LTBP2: variants seen among roughly 807,000 people sequenced by gnomAD.
LTBP2 encodes the protein latent transforming growth factor beta binding protein 2, also known as latent-transforming growth factor beta-binding protein 2.
A neutral mutation model predicts 210.6 loss-of-function variants in LTBP2; 103 were observed. The observed-to-expected ratio is 0.49, with a 90% CI of 0.42 to 0.58. LTBP2 has a LOEUF of 0.58. Ranked by LOEUF, LTBP2 falls within the 20% of genes least tolerant of loss-of-function variation. The probability of loss-of-function intolerance (pLI) is 0.00; values close to 1 mark genes in which losing one functional copy is unlikely to be tolerated. For missense variants in LTBP2, 2,313 were observed against 2,494.5 expected, an observed-to-expected ratio of 0.93 and a Z score of 1.55; for synonymous variants, 1,007 against 1,015.0, an observed-to-expected ratio of 0.99 and a Z score of 0.15.
chr14:74,605,717 GC>G (rs2088516372), intron 1 of LTBP2, among the ~76,000 whole-genome samples: 1 of 152,200 alleles, frequency 6.6e-6, no homozygotes, highest in South Asian at 2.1e-4. Flanking sequence ...GCCCAAGGAG[GC>G]CCCCTGAGCC....
intron 6 of LTBP2, 22 bp from the exon 7 acceptor site, chr14:74,551,372 A>G (rs1431102253): frequency 6.5e-7 from 1 of 1,537,274 alleles, no homozygotes; most frequent in East Asian, 2.3e-5. Flanking sequence ...GGCTAGAGTC[A>G]GAGCCAGGGA....
chr14:74,520,909 C>G (rs1261512544), intron 17 of LTBP2, among the ~76,000 whole-genome samples: 1 of 152,228 alleles, frequency 6.6e-6, no homozygotes, highest in African/African-American at 2.4e-5. Context: ...CATCTGGATC[C>G]TACAGTGTCA....
At chr14:74,564,367 T>A (rs374301584) in intron 3 of LTBP2, among the ~76,000 whole-genome samples, 2 of 33,136 alleles carry the variant, frequency 6.0e-5, no homozygotes, top group Non-Finnish European at 1.3e-4. Context: ...ATATATATAT[T>A]TATATATATA....
At chr14:74,607,278 A>G (rs2088539674) in intron 1 of LTBP2, among the ~76,000 whole-genome samples, 1 of 152,234 alleles carries the variant, frequency 6.6e-6, no homozygotes, top group Admixed American at 6.5e-5. Flanking sequence ...AACTTGCCAC[A>G]GAGTTGAGCT....
chr14:74,501,556 C>A lies in LTBP2; in HGVS notation c.5205G>T (p.Glu1735Asp). Reference sequence around the variant, plus strand: ...CACAGCCGTTCAGGATGCCGCACTCCTCCGCCTGAAGCCCTTCGAAGCCGG... The same window carrying A: ...CACAGCCGTTCAGGATGCCGCACTCATCCGCCTGAAGCCCTTCGAAGCCGG... ...PPAGFEGLQAEECGILNGCEN... is the reference protein window; with the variant it reads ...PPAGFEGLQADECGILNGCEN... The change falls in exon 35 of 36, where the codon GAG becomes GAT. Residue 1735 changes from glutamate to aspartate, a missense_variant. Transcript: ENST00000261978. 1 of 1,614,174 alleles carries A rather than the reference C, an allele frequency of 6.2e-7. No homozygotes were observed. Among genetic ancestry groups the A allele is most frequent in the Non-Finnish European group, 8.5e-7 (1 of 1,180,032 alleles).
At position 74,498,571 on chromosome 14, in the gene LTBP2, A is replaced by G. The variant is rs1247088489; in HGVS notation, c.*2313T>C. On this transcript the variant is annotated 3_prime_UTR_variant, in exon 36 of 36. Transcript: ENST00000261978. Reference sequence around the variant, plus strand: ...TGCAGAACAGCATGCATAGTATGCTATTTGTATTTTAAACAAAGGAAATAT... The same window carrying G: ...TGCAGAACAGCATGCATAGTATGCTGTTTGTATTTTAAACAAAGGAAATAT... 16 of 228,758 alleles carry G rather than the reference A, an allele frequency of 7.0e-5. No individual in the cohort carries two copies. The East Asian group carries it at 8.1e-4, about 12-fold the overall frequency. The allele number at this position is 228,758 out of a possible 1,614,324, so 14.2% of individuals were successfully genotyped here.
chr14:74,576,608 C>T (rs1056681121), intron 3 of LTBP2, among the ~76,000 whole-genome samples: 5 of 151,826 alleles, frequency 3.3e-5, no homozygotes, highest in Admixed American at 6.5e-5. Flanking sequence ...GGGGTCACCA[C>T]ATACAGCTGC....
At chr14:74,604,810 T>C (rs2088501499) in intron 1 of LTBP2, among the ~76,000 whole-genome samples, 1 of 151,910 alleles carries the variant, frequency 6.6e-6, no homozygotes, top group African/African-American at 2.4e-5. Context: ...CTCCTTGATG[T>C]TGGCTCTGAG....
At chr14:74,549,392 A>G (rs570566471) in intron 8 of LTBP2, among the ~76,000 whole-genome samples, 1 of 152,368 alleles carries the variant, frequency 6.6e-6, no homozygotes, top group South Asian at 2.1e-4. Flanking sequence ...TAGGGCTCCC[A>G]TACCCCAAGG....
chr14:74,503,941 G>A lies in LTBP2; in HGVS notation c.4567C>T (p.His1523Tyr). ...GTGTCCTTACCCTCACACTTCTTGT[G>A]GGAAGCATCGTAGTGGAAGCCGGGA... Reference protein sequence around the residue: ...CNPGFHYDASHKKCEDHDECQ... With the variant: ...CNPGFHYDASYKKCEDHDECQ... Residue 1523 changes from histidine (H) to tyrosine (Y), a missense_variant, in exon 31 of 36, where the codon CAC becomes TAC. Transcript: ENST00000261978. 1 of 1,614,128 alleles carries A rather than the reference G, an allele frequency of 6.2e-7. No individual in the cohort carries two copies. The highest frequency in any genetic ancestry group is 8.5e-7 in the Non-Finnish European group (1 of 1,180,026).
Position 74,603,687 on chromosome 14 carries a change from T to TC in LTBP2, c.512dup (p.Gln172ThrfsTer54). On this transcript the variant is annotated frameshift_variant, in exon 2 of 36. Coordinates refer to ENST00000261978, the MANE Select transcript of LTBP2 (RefSeq NM_000428.3). LOFTEE classifies it high-confidence loss of function. ...CTGTTGTCCATCCTGGGCAGCACTG[T>TC]CCCCCGCAGACGTTCCTCCTGTGGG... The TC allele has an allele frequency of 6.2e-7, 1 of 1,614,106 alleles. No individual in the cohort carries two copies. The highest frequency in any genetic ancestry group is 8.5e-7 in the Non-Finnish European group (1 of 1,180,022).
Position 74,611,590 on chromosome 14 carries a change from C to A in LTBP2, c.355G>T (p.Ala119Ser). Residue 119 changes from alanine (A) to serine (S), a missense_variant, in exon 1 of 36, where the codon GCG becomes TCG. Ala to Ser is a moderately conservative substitution (Grantham distance 99). Coordinates refer to ENST00000261978, the MANE Select transcript of LTBP2 (RefSeq NM_000428.3). ...AQQSRRVQPP[A>S]QTRRSTPLGQ... ...AGGGGAGTGCTTCTCCGGGTCTGCG[C>A]AGGTGGCTGGACACGCCGCGACTGC... The A allele has an allele frequency of 1.3e-6, 2 of 1,575,314 alleles. No homozygotes were observed. Among genetic ancestry groups the A allele is most frequent in the South Asian group, 1.1e-5 (1 of 87,722 alleles).
At chr14:74,524,486 C>T (rs867309619) in intron 15 of LTBP2, among the ~76,000 whole-genome samples, 4 of 152,076 alleles carry the variant, frequency 2.6e-5, no homozygotes, top group South Asian at 2.1e-4. Context: ...CGGGCACACA[C>T]GTGTACAGGG....
chr14:74,575,021 T>C (rs2088038406), intron 3 of LTBP2, among the ~76,000 whole-genome samples: 1 of 152,120 alleles, frequency 6.6e-6, no homozygotes, highest in Non-Finnish European at 1.5e-5. Context: ...GTGCCCAGCA[T>C]GAGAAAAGGA....
At chr14:74,599,858 G>A (rs1348279413) in intron 2 of LTBP2, among the ~76,000 whole-genome samples, 1 of 152,246 alleles carries the variant, frequency 6.6e-6, no homozygotes, top group Non-Finnish European at 1.5e-5. Flanking sequence ...CAGATATCTG[G>A]GAGAGACTGA....
chr14:74,607,016 C>G (rs2088536874), intron 1 of LTBP2, among the ~76,000 whole-genome samples: 1 of 152,180 alleles, frequency 6.6e-6, no homozygotes, highest in South Asian at 2.1e-4. Flanking sequence ...TGTGCCTCTA[C>G]AGTCTAACAC....
At chr14:74,543,394 A>AC (rs1317570048) in intron 8 of LTBP2, among the ~76,000 whole-genome samples, 1 of 151,648 alleles carries the variant, frequency 6.6e-6, no homozygotes, top group African/African-American at 2.4e-5. Context: ...AAAAAAAAAA[A>AC]AAACAGTGAG....
rs772377235 is a variant in LTBP2, at chr14:74,506,858, T to G, written c.3908-35A>C. The G allele has an allele frequency of 4.3e-6, 6 of 1,401,606 alleles. No homozygotes were observed. The African/African-American group carries it at 1.2e-4, about 28-fold the overall frequency. The allele number at this position is 1,401,606 out of a possible 1,614,324, so 86.8% of individuals were successfully genotyped here. On this transcript the variant is annotated intron_variant, in intron 26 of 35. Transcript: ENST00000261978. Reference sequence around the variant, plus strand: ...AGTGGGAACCAGGATAGAGGATGTGTGTGTGTGTGTGTGTGTGTGTGCGCG... The same window carrying G: ...AGTGGGAACCAGGATAGAGGATGTGGGTGTGTGTGTGTGTGTGTGTGCGCG...
intron 8 of LTBP2, 108 bp downstream of exon 8, chr14:74,549,755 G>A: frequency 1.1e-6 from 1 of 928,252 alleles, no homozygotes; most frequent in Middle Eastern, 2.2e-4. Flanking sequence ...TTACCAGCCT[G>A]TTCTACCTGC....
Sources: allele counts gnomAD v4.1 joint callset (sites outside exome capture counted in the v4.1 genomes callset), GRCh38; gene constraint gnomAD v4.1.1; transcripts MANE v1.5; gene names NCBI Gene and HGNC (gene_info 2026-07-23, HGNC 2026-07-21).